Variants in MOB1B observed in about 807,000 individuals in gnomAD.
MOB1B encodes the protein MOB kinase activator 1B, also known as MOB1 Mps One Binder homolog B.
Under a neutral mutation model 24.4 loss-of-function variants are expected in MOB1B, and 19 were observed. That is an observed-to-expected ratio of 0.78 (90% CI 0.54 to 1.14). The LOEUF is 1.14. Ranked by LOEUF, MOB1B falls within the 50% of genes most tolerant of loss-of-function variation. MOB1B has a pLI of 0.00. For missense variants in MOB1B, 243 were observed against 259.6 expected, an observed-to-expected ratio of 0.94 and a Z score of 0.44; for synonymous variants, 76 against 82.1, an observed-to-expected ratio of 0.93 and a Z score of 0.40.
chr4:70,949,399 T>G (rs894426374), intron 1 of MOB1B, among the ~76,000 whole-genome samples: 7 of 152,216 alleles, frequency 4.6e-5, no homozygotes, highest in Admixed American at 2.0e-4. Context: ...GCCTTTAGCT[T>G]TTAGTCTTAT....
At chr4:70,943,064 G>A (rs1305746581) in intron 1 of MOB1B, among the ~76,000 whole-genome samples, 1 of 152,146 alleles carries the variant, frequency 6.6e-6, no homozygotes. Flanking sequence ...AGTTAAAAGA[G>A]TGTATGCTTT....
At chr4:70,925,825 A>T (rs186379426) in intron 1 of MOB1B, among the ~76,000 whole-genome samples, 1 of 152,176 alleles carries the variant, frequency 6.6e-6, no homozygotes, top group Non-Finnish European at 1.5e-5. Flanking sequence ...GGGAGCCTCA[A>T]TGTAGATCCC....
intron 3 of MOB1B, among the ~76,000 whole-genome samples, chr4:70,974,005 A>G (rs1738876317): frequency 6.6e-6 from 1 of 152,184 alleles, no homozygotes; most frequent in Non-Finnish European, 1.5e-5. Flanking sequence ...CAAGGGTAGA[A>G]TTGAATCAAA....
chr4:70,930,602 A>G (rs1736848754), intron 1 of MOB1B, among the ~76,000 whole-genome samples: 1 of 152,190 alleles, frequency 6.6e-6, no homozygotes, highest in South Asian at 2.1e-4. Context: ...AGAACACTCT[A>G]CCTTTTTTTA....
At chr4:70,951,874 C>A (rs2148890239) in intron 1 of MOB1B, among the ~76,000 whole-genome samples, 1 of 152,180 alleles carries the variant, frequency 6.6e-6, no homozygotes, top group South Asian at 2.1e-4. Context: ...CTCAAACAAA[C>A]AAAAAAACAA....
At chr4:70,904,263 C>T (rs1320009751) in intron 1 of MOB1B, among the ~76,000 whole-genome samples, 5 of 151,658 alleles carry the variant, frequency 3.3e-5, no homozygotes, top group African/African-American at 9.7e-5. Flanking sequence ...GGATTACAGA[C>T]GTGAGCCCAC....
chr4:70,910,953 A>G (rs182055935), intron 1 of MOB1B, among the ~76,000 whole-genome samples: 1 of 152,088 alleles, frequency 6.6e-6, no homozygotes, highest in Non-Finnish European at 1.5e-5. Flanking sequence ...ACGCCTGGCT[A>G]ATTTTTGTAC....
At chr4:70,978,144 A>T (rs1472537830) in intron 4 of MOB1B, among the ~76,000 whole-genome samples, 5 of 152,062 alleles carry the variant, frequency 3.3e-5, no homozygotes, top group Non-Finnish European at 7.4e-5. Context: ...TGTATATTTG[A>T]CTTAAAAAAA....
chr4:70,926,436 T>G (rs942394374), intron 1 of MOB1B, among the ~76,000 whole-genome samples: 1 of 152,148 alleles, frequency 6.6e-6, no homozygotes, highest in Non-Finnish European at 1.5e-5. Flanking sequence ...TAACGAATGC[T>G]TCTTCCATTG....
At chr4:70,955,556 C>T (rs1045862192) in intron 1 of MOB1B, among the ~76,000 whole-genome samples, 5 of 150,312 alleles carry the variant, frequency 3.3e-5, no homozygotes, top group South Asian at 2.1e-4. Flanking sequence ...CTGCAACCCC[C>T]GCCTCCTGGG....
At chr4:70,967,807 A>G (rs1400119677) in intron 2 of MOB1B, among the ~76,000 whole-genome samples, 20 of 152,154 alleles carry the variant, frequency 1.3e-4, no homozygotes, top group African/African-American at 4.8e-5. Context: ...TGATTAGTCC[A>G]TTTTGTTCTC....
At chr4:70,903,260 G>GCC (rs1258399391) in intron 1 of MOB1B, among the ~76,000 whole-genome samples, 6 of 152,206 alleles carry the variant, frequency 3.9e-5, no homozygotes, top group Non-Finnish European at 7.3e-5. Context: ...TGGATAGTGT[G>GCC]CCCTGCCTAG....
At chr4:70,957,423 G>GCT (rs1199616520) in intron 1 of MOB1B, among the ~76,000 whole-genome samples, 13 of 150,342 alleles carry the variant, frequency 8.6e-5, no homozygotes, top group African/African-American at 2.2e-4. Flanking sequence ...AAAATCGCTC[G>GCT]CTCTCTCTCT....
rs1424440858 is a variant in MOB1B, at chr4:70,959,027, G to A, written c.168G>A (p.Trp56Ter). Residue 56 changes from tryptophan (W) to a stop codon, truncating the protein, a stop_gained, in exon 2 of 6, where the codon TGG becomes TGA. Coordinates refer to ENST00000309395, the MANE Select transcript of MOB1B (RefSeq NM_173468.4). LOFTEE classifies it high-confidence loss of function. The part of the protein sequence containing the change: ...MLPEGEDLNE[W>*]VAVNTVDFFN... ...CTGAAGGGGAAGATCTCAATGAATG[G>A]GTTGCAGTTAACAGTAAGTAGCCTT... 1 of 1,613,410 alleles carries A rather than the reference G, an allele frequency of 6.2e-7. No homozygotes were observed. Among genetic ancestry groups the A allele is most frequent in the Non-Finnish European group, 8.5e-7 (1 of 1,179,888 alleles).
intron 5 of MOB1B, among the ~76,000 whole-genome samples, chr4:70,979,886 A>T (rs997405977): frequency 1.3e-5 from 2 of 152,170 alleles, no homozygotes; most frequent in African/African-American, 4.8e-5. Flanking sequence ...AGAAATGCAG[A>T]CTAAGAGCAG....
chr4:70,981,536 A>G (rs1323361668), intron 5 of MOB1B, among the ~76,000 whole-genome samples: 1 of 152,180 alleles, frequency 6.6e-6, no homozygotes, highest in Non-Finnish European at 1.5e-5. Context: ...CAGATACGTT[A>G]GTTTGTAACC....
chr4:70,950,584 C>CT (rs1256158226), intron 1 of MOB1B: 1 of 454,108 alleles, frequency 2.2e-6, no homozygotes, highest in East Asian at 3.6e-5. Context: ...AAAATAATAG[C>CT]TTGTATATCA....
intron 2 of MOB1B, among the ~76,000 whole-genome samples, chr4:70,968,492 G>A (rs1053164881): frequency 1.6e-4 from 24 of 152,048 alleles, no homozygotes; most frequent in Non-Finnish European, 2.4e-4. Context: ...TGTATTTTTA[G>A]TAGAGACAAG....
At chr4:70,972,756 C>A (rs1339302454) in intron 3 of MOB1B, among the ~76,000 whole-genome samples, 4 of 145,668 alleles carry the variant, frequency 2.7e-5, no homozygotes, top group Non-Finnish European at 5.9e-5. Context: ...AAGCAATACA[C>A]AATTATTTTA....
Sources: allele counts gnomAD v4.1 joint callset (sites outside exome capture counted in the v4.1 genomes callset), GRCh38; gene constraint gnomAD v4.1.1; transcripts MANE v1.5; gene names NCBI Gene and HGNC (gene_info 2026-07-23, HGNC 2026-07-21).